Variants in JAM3 observed in about 807,000 individuals in gnomAD.
JAM3 encodes the protein junctional adhesion molecule C.
A neutral mutation model predicts 39.4 loss-of-function variants in JAM3; 31 were observed. The observed-to-expected ratio is 0.79, with a 90% CI of 0.59 to 1.06. The LOEUF (loss-of-function observed/expected upper bound fraction) is 1.06, where lower values mean the gene tolerates loss of function less well. Among genes scored for constraint, JAM3 ranks in the 50% least tolerant of loss-of-function variants. The pLI, the probability that JAM3 is intolerant of heterozygous loss-of-function variation, is 0.00. For missense variants in JAM3, 455 were observed against 391.4 expected (o/e 1.16, Z -1.37); for synonymous variants, 182 against 148.7 (o/e 1.22, Z -1.63).
intron 1 of JAM3, among the ~76,000 whole-genome samples, chr11:134,095,163 A>T (rs1281250361): frequency 6.6e-6 from 1 of 152,244 alleles, no homozygotes; most frequent in Non-Finnish European, 1.5e-5. Context: ...GAAGAGAGAA[A>T]GTAAACCAGC....
At chr11:134,085,726 G>A (rs181756967) in intron 1 of JAM3, among the ~76,000 whole-genome samples, 19 of 152,260 alleles carry the variant, frequency 1.2e-4, no homozygotes, top group East Asian at 1.2e-3. Context: ...AGTAGTCTGC[G>A]ACTTGAGGAC....
intron 1 of JAM3, among the ~76,000 whole-genome samples, chr11:134,102,694 G>A (rs1239720578): frequency 1.3e-5 from 2 of 152,178 alleles, no homozygotes; most frequent in Non-Finnish European, 2.9e-5. Context: ...TGAAAACCAT[G>A]GCATGAGAAC....
chr11:134,117,394 A>T (rs959193532), intron 1 of JAM3, among the ~76,000 whole-genome samples: 3 of 152,086 alleles, frequency 2.0e-5, no homozygotes, highest in African/African-American at 4.8e-5. Context: ...AAAGAAAAAC[A>T]ATCCAAATTG....
At chr11:134,141,835 G>A (rs1942977774) in intron 3 of JAM3, among the ~76,000 whole-genome samples, 1 of 152,044 alleles carries the variant, frequency 6.6e-6, no homozygotes, top group Non-Finnish European at 1.5e-5. Context: ...GGGAGCTGCA[G>A]GAGGTACACA....
chr11:134,123,501 T>C (rs1167838249), intron 1 of JAM3, among the ~76,000 whole-genome samples: 1 of 152,186 alleles, frequency 6.6e-6, no homozygotes, highest in Admixed American at 6.5e-5. Flanking sequence ...TGGTTTTCCT[T>C]AGAGACCTAT....
At position 134,069,079 on chromosome 11, in the gene JAM3, T is replaced by A; in HGVS notation, c.-5T>A. The A allele has an allele frequency of 6.2e-7, 1 of 1,610,238 alleles. No homozygotes were observed. The highest frequency in any genetic ancestry group is 2.2e-5 in the East Asian group (1 of 44,684). ...GCTGCCGCTGGCCCCTCAGCAACCCTCGACATGGCGCTGAGGCGGCCACCG... is the reference window on the plus strand; with the variant it reads ...GCTGCCGCTGGCCCCTCAGCAACCCACGACATGGCGCTGAGGCGGCCACCG... On this transcript the variant is annotated 5_prime_UTR_variant, in exon 1 of 9. Transcript: ENST00000299106.
chr11:134,091,593 G>A (rs1941854989), intron 1 of JAM3, among the ~76,000 whole-genome samples: 1 of 150,624 alleles, frequency 6.6e-6, no homozygotes, highest in Non-Finnish European at 1.5e-5. Flanking sequence ...TTGTGTCACT[G>A]CACTCCAGCT....
intron 1 of JAM3, among the ~76,000 whole-genome samples, chr11:134,125,101 G>A (rs963414282): frequency 1.3e-5 from 2 of 152,162 alleles, no homozygotes; most frequent in African/African-American, 4.8e-5. Flanking sequence ...GTCGCCTCCC[G>A]AGGTGCACGG....
intron 1 of JAM3, among the ~76,000 whole-genome samples, chr11:134,107,900 C>G (rs1244770610): frequency 6.6e-6 from 1 of 151,580 alleles, no homozygotes; most frequent in Non-Finnish European, 1.5e-5. Flanking sequence ...GAAAAAAAAT[C>G]AGAAAAAGAA....
At chr11:134,144,470 C>A in intron 4 of JAM3, 77 bp downstream of exon 4, 1 of 1,545,490 alleles carries the variant, frequency 6.5e-7, no homozygotes, top group Non-Finnish European at 8.9e-7. Flanking sequence ...TTCTTTCCTT[C>A]TAGAACTGTA....
intron 1 of JAM3, among the ~76,000 whole-genome samples, chr11:134,110,685 T>C (rs1439812649): frequency 6.6e-6 from 1 of 151,488 alleles, no homozygotes; most frequent in Admixed American, 6.6e-5. Context: ...TACAGGAGCA[T>C]TAGGAAACTT....
intron 1 of JAM3, among the ~76,000 whole-genome samples, chr11:134,087,920 G>C (rs1405941636): frequency 6.6e-6 from 1 of 152,144 alleles, no homozygotes; most frequent in Non-Finnish European, 1.5e-5. Flanking sequence ...TGCATTGTAG[G>C]ATGTTTAGTA....
chr11:134,142,551 C>T (rs976316744), intron 3 of JAM3, among the ~76,000 whole-genome samples: 1 of 152,170 alleles, frequency 6.6e-6, no homozygotes, highest in African/African-American at 2.4e-5. Flanking sequence ...CTAACTCCTT[C>T]CCCTATTTGT....
At chr11:134,111,385 G>A (rs946235569) in intron 1 of JAM3, among the ~76,000 whole-genome samples, 3 of 151,576 alleles carry the variant, frequency 2.0e-5, no homozygotes, top group South Asian at 2.1e-4. Context: ...CTCGTGTTCC[G>A]CCCACCTCGG....
In JAM3 at chr11:134,149,038, T is replaced by A; in HGVS notation, c.898-108T>A. The A allele has an allele frequency of 2.9e-6, 4 of 1,365,874 alleles. No individual in the cohort carries two copies. In the South Asian group the frequency reaches 4.7e-5, roughly 16 times the overall value. 84.6% of individuals were successfully genotyped at this position (1,365,874 alleles called of 1,614,324 possible). A position where few individuals can be genotyped will look rare whatever the true frequency, so the allele number is the denominator to read the frequency against. On this transcript the variant is annotated intron_variant, in intron 8 of 8. Coordinates refer to ENST00000299106, the MANE Select transcript of JAM3 (RefSeq NM_032801.5). Reference sequence around the variant, plus strand: ...TGCAAGCGCTAGTGATGGTACTTTTTAAGAATGATTATTCCATCTGTATTT... The same window carrying A: ...TGCAAGCGCTAGTGATGGTACTTTTAAAGAATGATTATTCCATCTGTATTT...
chr11:134,116,840 A>C (rs935347965), intron 1 of JAM3, among the ~76,000 whole-genome samples: 3 of 151,818 alleles, frequency 2.0e-5, no homozygotes, highest in Non-Finnish European at 4.4e-5. Context: ...AATAAACATT[A>C]GTTTATAGTG....
chr11:134,089,221 T>A (rs1212554753), intron 1 of JAM3, among the ~76,000 whole-genome samples: 1 of 152,218 alleles, frequency 6.6e-6, no homozygotes, highest in Non-Finnish European at 1.5e-5. Context: ...TAAAGGCAAA[T>A]TCTGCACACA....
chr11:134,136,543 GA>G (rs1565502075), intron 1 of JAM3, among the ~76,000 whole-genome samples: 1 of 152,150 alleles, frequency 6.6e-6, no homozygotes, highest in Non-Finnish European at 1.5e-5. Context: ...GGATTATTTG[GA>G]AATAGAAGAA....
chr11:134,136,079 A>G (rs1942860254), intron 1 of JAM3, among the ~76,000 whole-genome samples: 1 of 152,140 alleles, frequency 6.6e-6, no homozygotes, highest in Non-Finnish European at 1.5e-5. Context: ...AAAAAACAAA[A>G]CAAAAACTGC....
Sources: allele counts gnomAD v4.1 joint callset (sites outside exome capture counted in the v4.1 genomes callset), GRCh38; gene constraint gnomAD v4.1.1; transcripts MANE v1.5; gene names NCBI Gene and HGNC (gene_info 2026-07-23, HGNC 2026-07-21).